Variants in DACH1 observed in about 807,000 individuals in gnomAD.
DACH1 encodes the protein dachshund family transcription factor 1.
A neutral mutation model predicts 54.2 loss-of-function variants in DACH1; 12 were observed. That is an observed-to-expected ratio of 0.22 (90% confidence interval 0.14 to 0.36). The LOEUF is 0.36. Ranked by LOEUF, DACH1 falls within the 10% of genes least tolerant of loss-of-function variation. The pLI is 1.00. For synonymous variants in DACH1, 386 were observed against 366.2 expected, an observed-to-expected ratio of 1.05 and a Z score of -0.62; for missense variants, 805 against 929.8, an observed-to-expected ratio of 0.87 and a Z score of 1.75.
chr13:71,697,621 A>G (rs1439556164), intron 1 of DACH1, among the ~76,000 whole-genome samples: 1 of 152,238 alleles, frequency 6.6e-6, no homozygotes, highest in Non-Finnish European at 1.5e-5. Context: ...ATCTAGACAC[A>G]TGTACTTAAA....
At chr13:71,712,521 T>G (rs184626844) in intron 1 of DACH1, among the ~76,000 whole-genome samples, 28 of 152,214 alleles carry the variant, frequency 1.8e-4, no homozygotes, top group Middle Eastern at 3.4e-3. Context: ...TTGGCAAATG[T>G]TTTTAGAACA....
intron 6 of DACH1, among the ~76,000 whole-genome samples, chr13:71,538,545 ACT>A: frequency 6.6e-6 from 1 of 152,196 alleles, no homozygotes; most frequent in East Asian, 1.9e-4. Context: ...GAAGGGAAAC[ACT>A]GACATTCCAT....
In DACH1 at chr13:71,604,158, T is replaced by C. The variant is rs562930050; in HGVS notation, c.1126+26398A>G. Among the ~76,000 whole-genome samples the C allele has an allele frequency of 4.6e-5, 7 of 152,102 alleles. 1 individual carries two copies. The highest frequency in any genetic ancestry group is 1.7e-4 in the African/African-American group (7 of 41,552). On this transcript the variant is annotated intron_variant, in intron 3 of 10. Transcript: ENST00000613252. ...AAAATGCAATATAAAAATCACTTCATGTAATTTCACAAACTTCAGTGATTA... is the reference window on the plus strand; with the variant it reads ...AAAATGCAATATAAAAATCACTTCACGTAATTTCACAAACTTCAGTGATTA...
At chr13:71,838,009 A>AG (rs1227905969) in intron 1 of DACH1, among the ~76,000 whole-genome samples, 1 of 42,038 alleles carries the variant, frequency 2.4e-5, no homozygotes, top group Admixed American at 4.2e-4. Context: ...TGTGGTGGGG[A>AG]GGGGGGAGGG....
chr13:71,512,465 C>T lies in DACH1; in HGVS notation c.1571-23317G>A, dbSNP rs1880852330. 2.0e-5 allele frequency among the ~76,000 whole-genome samples: 3 copies of T among 151,828 alleles called. No individual in the cohort carries two copies. In the South Asian group the frequency reaches 6.2e-4, roughly 32 times the overall value. On this transcript the variant is annotated intron_variant, in intron 6 of 10. Coordinates refer to ENST00000613252, the MANE Select transcript of DACH1 (RefSeq NM_080759.6). ...GAAAACACAAAAGGAAAGCAAAATA[C>T]TAAAACAGAGGAGAAAGTAAAATGT...
intron 3 of DACH1, among the ~76,000 whole-genome samples, chr13:71,622,706 C>T (rs886759455): frequency 1.3e-5 from 2 of 151,662 alleles, no homozygotes; most frequent in Admixed American, 6.6e-5. Context: ...TACCACATAA[C>T]ATATTCATTA....
intron 1 of DACH1, among the ~76,000 whole-genome samples, chr13:71,708,063 T>G (rs1412218546): frequency 6.6e-6 from 1 of 151,634 alleles, no homozygotes; most frequent in Non-Finnish European, 1.5e-5. Context: ...AATAAAGCAC[T>G]TAAGTTTTAT....
chr13:71,495,742 C>G (rs1394265292), intron 6 of DACH1, among the ~76,000 whole-genome samples: 1 of 152,070 alleles, frequency 6.6e-6, no homozygotes, highest in Non-Finnish European at 1.5e-5. Flanking sequence ...CTATGGAAAA[C>G]AGTATGCAGA....
chr13:71,543,257 T>C (rs1240421159), intron 6 of DACH1, among the ~76,000 whole-genome samples: 2 of 152,126 alleles, frequency 1.3e-5, no homozygotes, highest in East Asian at 3.9e-4. Flanking sequence ...TTGGTCTCAG[T>C]AATGTCTGGA....
In DACH1 at chr13:71,866,724, G is replaced by C. The variant is rs767294898; in HGVS notation, c.46C>G (p.Pro16Ala). 1 of 1,445,228 alleles carries C rather than the reference G, an allele frequency of 6.9e-7. No homozygotes were observed. The allele number at this position is 1,445,228 out of a possible 1,614,324, so 89.5% of individuals were successfully genotyped here. A position where few individuals can be genotyped will look rare whatever the true frequency, so the allele number is the denominator to read the frequency against. Residue 16 changes from proline to alanine, a missense_variant, in exon 1 of 11, where the codon CCT (proline) becomes GCT (alanine). Pro to Ala is a conservative substitution (Grantham distance 27, BLOSUM62 -1). Transcript: ENST00000613252. ...ALIPPTQLVPPQPPISTSASS... is the reference protein window; with the variant it reads ...ALIPPTQLVPAQPPISTSASS... The stretch of plus-strand genomic sequence containing the variant: ...GCAGACGTGGAGATTGGGGGTTGAG[G>C]GGGGACCAGCTGGGTCGGAGGGATC...
chr13:71,585,572 A>C (rs1433702847), intron 3 of DACH1, among the ~76,000 whole-genome samples: 2 of 152,156 alleles, frequency 1.3e-5, no homozygotes, highest in African/African-American at 2.4e-5. Flanking sequence ...TGAGGCGAAG[A>C]CATACATAAA....
chr13:71,639,751 G>A (rs761285066), intron 2 of DACH1, among the ~76,000 whole-genome samples: 28 of 151,954 alleles, frequency 1.8e-4, no homozygotes, highest in Non-Finnish European at 3.7e-4. Flanking sequence ...CTTTTGAAAA[G>A]CTCACCTTCT....
chr13:71,555,693 C>A (rs539041705), intron 6 of DACH1, among the ~76,000 whole-genome samples: 9 of 151,890 alleles, frequency 5.9e-5, no homozygotes, highest in Admixed American at 2.6e-4. Context: ...TATTAAATAT[C>A]AAAAGTATAG....
At chr13:71,822,137 CAT>C (rs1888215458) in intron 1 of DACH1, among the ~76,000 whole-genome samples, 1 of 152,060 alleles carries the variant, frequency 6.6e-6, no homozygotes, top group Non-Finnish European at 1.5e-5. Flanking sequence ...CACACACACA[CAT>C]ACAATTTCAA....
At chr13:71,556,517 A>G (rs1884260509) in intron 6 of DACH1, among the ~76,000 whole-genome samples, 1 of 152,178 alleles carries the variant, frequency 6.6e-6, no homozygotes, top group Non-Finnish European at 1.5e-5. Context: ...CATTAACAAA[A>G]TATAAGAAAC....
At chr13:71,759,120 T>C (rs1406282889) in intron 1 of DACH1, among the ~76,000 whole-genome samples, 1 of 152,096 alleles carries the variant, frequency 6.6e-6, no homozygotes, top group East Asian at 1.9e-4. Flanking sequence ...TTCCCCTTTC[T>C]GGCTGCTTTT....
intron 1 of DACH1, among the ~76,000 whole-genome samples, chr13:71,830,364 C>T (rs1000164631): frequency 2.0e-5 from 3 of 151,760 alleles, no homozygotes; most frequent in East Asian, 3.9e-4. Flanking sequence ...TTTCAGCCAA[C>T]GGAAGTTGTA....
chr13:71,761,306 A>G (rs536341655), intron 1 of DACH1, among the ~76,000 whole-genome samples: 7 of 152,304 alleles, frequency 4.6e-5, no homozygotes, highest in Admixed American at 1.3e-4. Flanking sequence ...TCTATAGGGC[A>G]GAGGGTACAA....
intron 1 of DACH1, among the ~76,000 whole-genome samples, chr13:71,815,908 A>AC (rs1332127022): frequency 6.6e-6 from 1 of 151,616 alleles, no homozygotes; most frequent in East Asian, 1.9e-4. Flanking sequence ...ACACGGTGAA[A>AC]CCCCGTCTCT....
Sources: gnomAD v4.1 joint callset for allele counts (sites outside exome capture counted in the v4.1 genomes callset) on GRCh38, gnomAD v4.1.1 for gene constraint, MANE v1.5 for transcripts, NCBI Gene and HGNC (gene_info 2026-07-23, HGNC 2026-07-21) for gene names.